The following ANTXR1 variants were observed in gnomAD, a reference collection of about 807,000 sequenced individuals.
The protein encoded by ANTXR1 is anthrax toxin receptor 1.
A neutral mutation model predicts 78.1 loss-of-function variants in ANTXR1; 19 were observed. The ratio of observed to expected loss-of-function variants is 0.24; its 90% CI spans 0.17 to 0.36. ANTXR1 has a LOEUF of 0.36. Among genes scored for constraint, ANTXR1 ranks in the 10% least tolerant of loss-of-function variants. The pLI, the probability that ANTXR1 is intolerant of heterozygous loss-of-function variation, is 1.00. For missense variants in ANTXR1, 518 were observed against 718.6 expected, an observed-to-expected ratio of 0.72 and a Z score of 3.19; for synonymous variants, 273 against 260.5, an observed-to-expected ratio of 1.05 and a Z score of -0.46.
intron 12 of ANTXR1, among the ~76,000 whole-genome samples, chr2:69,136,219 A>G (rs757300590): frequency 2.0e-4 from 31 of 152,218 alleles, no homozygotes; most frequent in Non-Finnish European, 3.8e-4. Context: ...GAAACTGATC[A>G]GTCACTTATT....
intron 17 of ANTXR1, among the ~76,000 whole-genome samples, chr2:69,212,317 AGTGTAG>A (rs1365173241): frequency 1.3e-5 from 2 of 152,226 alleles, no homozygotes. Flanking sequence ...ACTTTGATTG[AGTGTAG>A]GTAAGAGGCA....
At chr2:69,181,637 T>C in intron 14 of ANTXR1, 149 bp from the exon 15 acceptor site, 1 of 794,008 alleles carries the variant, frequency 1.3e-6, no homozygotes, top group Non-Finnish European at 2.2e-6. Context: ...GTTTCAGTGA[T>C]TGGCCCAAGG....
At chr2:69,153,426 CA>C (rs1673448256) in intron 13 of ANTXR1, among the ~76,000 whole-genome samples, 1 of 151,832 alleles carries the variant, frequency 6.6e-6, no homozygotes, top group Non-Finnish European at 1.5e-5. Flanking sequence ...GACCATATGG[CA>C]GGGACTTCTG....
At chr2:69,070,611 C>CTTTACTAACTTTACTGTTAG (rs750257509) in intron 3 of ANTXR1, 36 bp from the exon 4 acceptor site, 29 of 1,600,446 alleles carry the variant, frequency 1.8e-5, no homozygotes, top group Non-Finnish European at 2.2e-5. Context: ...GTAAAAAATA[C>CTTTACTAACTTTACTGTTAG]TCAAATAAGA....
intron 17 of ANTXR1, among the ~76,000 whole-genome samples, chr2:69,243,783 G>A (rs937901106): frequency 6.6e-6 from 1 of 152,146 alleles, no homozygotes; most frequent in African/African-American, 2.4e-5. Flanking sequence ...TTCCATCCTG[G>A]AGCATGTGGC....
chr2:69,241,247 T>G (rs569442554), intron 17 of ANTXR1, among the ~76,000 whole-genome samples: 7 of 152,328 alleles, frequency 4.6e-5, no homozygotes, highest in Non-Finnish European at 1.0e-4. Flanking sequence ...GCAGATTTGC[T>G]GGCCTACATG....
chr2:69,087,046 GC>G, intron 8 of ANTXR1, among the ~76,000 whole-genome samples: 1 of 152,114 alleles, frequency 6.6e-6, no homozygotes, highest in Non-Finnish European at 1.5e-5. Context: ...CCATCATACA[GC>G]CCCTTGAAGT....
chr2:69,203,508 A>T (rs2104488481), intron 17 of ANTXR1, among the ~76,000 whole-genome samples: 1 of 152,332 alleles, frequency 6.6e-6, no homozygotes, highest in African/African-American at 2.4e-5. Flanking sequence ...GAGATGTTAA[A>T]CCCAAAGTTG....
intron 17 of ANTXR1, among the ~76,000 whole-genome samples, chr2:69,217,869 ATGTC>A (rs768575456): frequency 1.3e-5 from 2 of 152,252 alleles, no homozygotes; most frequent in Non-Finnish European, 2.9e-5. Flanking sequence ...TTATGAGAGA[ATGTC>A]TGTCTCCTTT....
chr2:69,202,039 G>C (rs1039254959), intron 17 of ANTXR1, among the ~76,000 whole-genome samples: 2 of 152,176 alleles, frequency 1.3e-5, no homozygotes, highest in Non-Finnish European at 2.9e-5. Context: ...TTTTGCTCCA[G>C]TGAGAGTTTT....
chr2:69,224,059 A>G (rs960485730), intron 17 of ANTXR1, among the ~76,000 whole-genome samples: 1 of 152,246 alleles, frequency 6.6e-6, no homozygotes, highest in Non-Finnish European at 1.5e-5. Flanking sequence ...CATTTAAGGT[A>G]ATAGAAAAAG....
intron 17 of ANTXR1, among the ~76,000 whole-genome samples, chr2:69,202,798 C>G (rs565482899): frequency 1.3e-5 from 2 of 152,294 alleles, no homozygotes; most frequent in East Asian, 3.9e-4. Flanking sequence ...TTGGGAACCC[C>G]ATTGCTCCTA....
intron 9 of ANTXR1, 96 bp from the exon 10 acceptor site, chr2:69,102,746 C>A: frequency 7.7e-7 from 1 of 1,293,596 alleles, no homozygotes; most frequent in Non-Finnish European, 1.1e-6. Context: ...TATTTTAAGC[C>A]TGGTGAAATA....
chr2:69,164,844 T>C (rs1464526458), intron 13 of ANTXR1, among the ~76,000 whole-genome samples: 1 of 152,204 alleles, frequency 6.6e-6, no homozygotes, highest in Non-Finnish European at 1.5e-5. Context: ...TTCCTGACAA[T>C]GGAGCGGGGA....
At chr2:69,072,665 G>A (rs577887379) in intron 5 of ANTXR1, among the ~76,000 whole-genome samples, 1 of 152,348 alleles carries the variant, frequency 6.6e-6, no homozygotes, top group South Asian at 2.1e-4. Context: ...GAACAGCCCA[G>A]GTGGGAGTTT....
At position 69,246,462 on chromosome 2, in the gene ANTXR1, AG is replaced by A. The variant is rs1336510686; in HGVS notation, c.*978del. On this transcript the variant is annotated 3_prime_UTR_variant, in exon 18 of 18. Transcript: ENST00000303714. ...TTAGGACCTATCACACAATATCACT[AG>A]TTTTTTTTGTTTGTTTGTTTTTTGT... is the stretch of plus-strand genomic sequence containing the variant. 4 of 152,014 alleles carry A rather than the reference AG, an allele frequency of 2.6e-5. No individual in the cohort carries two copies. Among genetic ancestry groups the A allele is most frequent in the Non-Finnish European group, 5.9e-5 (4 of 68,044 alleles). The allele number at this position is 152,014 out of a possible 1,614,324, so 9.4% of individuals were successfully genotyped here.
At chr2:69,016,408 T>C (rs1237124866) in intron 1 of ANTXR1, among the ~76,000 whole-genome samples, 1 of 152,124 alleles carries the variant, frequency 6.6e-6, no homozygotes, top group Non-Finnish European at 1.5e-5. Context: ...AAAATCCAAA[T>C]AGTCACAAAG....
At position 69,159,251 on chromosome 2, in the gene ANTXR1, G is replaced by A. The variant is rs568433693; in HGVS notation, c.1047+6987G>A. Among the ~76,000 whole-genome samples the A allele has an allele frequency of 4.6e-5, 7 of 152,216 alleles. No homozygotes were observed. The South Asian group carries it at 1.5e-3, about 32-fold the overall frequency. Reference sequence around the variant, plus strand: ...TAATGGTATATGAGAAACCCCAAGTGAAAAGATCTTAGCATATTTTGCAAA... The same window carrying A: ...TAATGGTATATGAGAAACCCCAAGTAAAAAGATCTTAGCATATTTTGCAAA... On this transcript the variant is annotated intron_variant, in intron 13 of 17. Transcript: ENST00000303714.
intron 3 of ANTXR1, among the ~76,000 whole-genome samples, chr2:69,051,001 A>T (rs1669915658): frequency 6.6e-6 from 1 of 152,058 alleles, no homozygotes; most frequent in Non-Finnish European, 1.5e-5. Flanking sequence ...AATAAAAGAT[A>T]ATTGCCCGGT....
Sources: gnomAD v4.1 joint callset for allele counts (sites outside exome capture counted in the v4.1 genomes callset) on GRCh38, gnomAD v4.1.1 for gene constraint, MANE v1.5 for transcripts, NCBI Gene and HGNC (gene_info 2026-07-23, HGNC 2026-07-21) for gene names.